Variants in ULK4 observed in about 807,000 individuals in gnomAD.
ULK4 encodes unc-51 like kinase 4.
Under a neutral mutation model 160.6 loss-of-function variants are expected in ULK4, and 133 were observed. The ratio of observed to expected loss-of-function variants is 0.83; its 90% CI spans 0.72 to 0.96. The LOEUF (loss-of-function observed/expected upper bound fraction) is 0.96. ULK4 is among the 40% of genes least tolerant of loss of function. The probability of loss-of-function intolerance (pLI) is 0.00; values close to 1 mark genes in which losing one functional copy is unlikely to be tolerated. For missense variants in ULK4, 1,580 were observed against 1,499.5 expected (o/e 1.05, Z -0.89); for synonymous variants, 534 against 539.8 (o/e 0.99, Z 0.15).
chr3:41,654,306 T>C (rs1055662119), intron 30 of ULK4, among the ~76,000 whole-genome samples: 40 of 152,348 alleles, frequency 2.6e-4, no homozygotes, highest in African/African-American at 8.9e-4. Context: ...TGAGAGGTGC[T>C]ATTTTACTAA....
chr3:41,936,426 C>T (rs115667093), intron 3 of ULK4, among the ~76,000 whole-genome samples: 354 of 152,260 alleles, frequency 2.3e-3, no homozygotes, highest in Non-Finnish European at 4.3e-3. Flanking sequence ...CATTGAGAAT[C>T]CCATTGCTAT....
chr3:41,530,158 T>TA (rs2086253496), intron 32 of ULK4, among the ~76,000 whole-genome samples: 1 of 152,316 alleles, frequency 6.6e-6, no homozygotes, highest in African/African-American at 2.4e-5. Context: ...AACTATACGT[T>TA]AAACAAATGA....
chr3:41,925,873 C>A (rs1383765748), intron 5 of ULK4, among the ~76,000 whole-genome samples: 4 of 152,140 alleles, frequency 2.6e-5, no homozygotes, highest in Non-Finnish European at 5.9e-5. Flanking sequence ...ATAAAACCCC[C>A]ATCTCCCTGG....
intron 34 of ULK4, among the ~76,000 whole-genome samples, chr3:41,417,615 C>T (rs771468606): frequency 1.3e-5 from 2 of 152,114 alleles, no homozygotes; most frequent in Non-Finnish European, 2.9e-5. Context: ...ACCCTGGGTG[C>T]CTGTTACTTT....
At chr3:41,895,052 AG>A (rs1315451145) in intron 16 of ULK4, among the ~76,000 whole-genome samples, 3 of 152,212 alleles carry the variant, frequency 2.0e-5, no homozygotes, top group Non-Finnish European at 2.9e-5. Context: ...GGAAACTTCG[AG>A]GAAGTATAAC....
intron 34 of ULK4, among the ~76,000 whole-genome samples, chr3:41,447,109 A>T (rs2083315493): frequency 7.6e-6 from 1 of 130,950 alleles, no homozygotes; most frequent in Non-Finnish European, 1.6e-5. Context: ...AAAAAAAAAA[A>T]GACAAGACAC....
chr3:41,353,722 AC>A (rs2080968673), intron 35 of ULK4, among the ~76,000 whole-genome samples: 1 of 149,286 alleles, frequency 6.7e-6, no homozygotes, highest in Admixed American at 6.7e-5. Flanking sequence ...TACTACTACT[AC>A]TACTACTACT....
At chr3:41,377,797 A>G (rs2081541970) in intron 35 of ULK4, among the ~76,000 whole-genome samples, 1 of 148,090 alleles carries the variant, frequency 6.8e-6, no homozygotes, top group African/African-American at 2.6e-5. Context: ...TAGTTCAACC[A>G]TTGTGGAAGT....
At chr3:41,438,083 G>T (rs1044571106) in intron 34 of ULK4, among the ~76,000 whole-genome samples, 5 of 140,744 alleles carry the variant, frequency 3.6e-5, no homozygotes, top group Admixed American at 7.3e-5. Context: ...TCATATTCTG[G>T]TTTTTTAAAA....
intron 34 of ULK4, among the ~76,000 whole-genome samples, chr3:41,424,254 G>T (rs1398918787): frequency 2.6e-5 from 4 of 152,136 alleles, no homozygotes; most frequent in Non-Finnish European, 5.9e-5. Context: ...GGGGTTTGGG[G>T]ACAAAACCCT....
Position 41,342,293 on chromosome 3 carries a change from G to A in ULK4, c.3678+55786C>T, listed in dbSNP as rs2080702735. Among the ~76,000 whole-genome samples, 4 of 152,192 alleles carry A rather than the reference G, an allele frequency of 2.6e-5. No individual in the cohort carries two copies. The South Asian group carries it at 8.3e-4, about 32-fold the overall frequency. Reference sequence around the variant, plus strand: ...AGAGAGATCAGAATGGAGAGGAAAAGGGCTGCCTGGAAGGCTAACAGACTT... The same window carrying A: ...AGAGAGATCAGAATGGAGAGGAAAAAGGCTGCCTGGAAGGCTAACAGACTT... On this transcript the variant is annotated intron_variant, in intron 35 of 36. Coordinates refer to ENST00000301831, the MANE Select transcript of ULK4 (RefSeq NM_017886.4).
chr3:41,430,440 G>A (rs1413208586), intron 34 of ULK4, among the ~76,000 whole-genome samples: 1 of 152,186 alleles, frequency 6.6e-6, no homozygotes. Context: ...CCTTTACTGT[G>A]AGCTCTGCTT....
At chr3:41,441,209 T>G (rs1451071098) in intron 34 of ULK4, among the ~76,000 whole-genome samples, 1 of 152,090 alleles carries the variant, frequency 6.6e-6, no homozygotes, top group African/African-American at 2.4e-5. Context: ...CTCTTCTTTT[T>G]CTAGTCTTTT....
intron 17 of ULK4, among the ~76,000 whole-genome samples, chr3:41,872,728 T>G (rs1354276352): frequency 6.6e-6 from 1 of 152,172 alleles, no homozygotes; most frequent in Non-Finnish European, 1.5e-5. Context: ...GGCCTGGTTT[T>G]TATGTTAATT....
chr3:41,380,452 A>G (rs1230592645), intron 35 of ULK4, among the ~76,000 whole-genome samples: 1 of 152,166 alleles, frequency 6.6e-6, no homozygotes, highest in East Asian at 1.9e-4. Context: ...TTCTTACCAT[A>G]CCGTCAGAGT....
chr3:41,937,072 A>G, intron 3 of ULK4: 1 of 418,082 alleles, frequency 2.4e-6, no homozygotes, highest in Non-Finnish European at 4.3e-6. Context: ...AAATATTAAT[A>G]CAACAGCCAA....
intron 32 of ULK4, among the ~76,000 whole-genome samples, chr3:41,521,177 C>A (rs182458711): frequency 6.6e-6 from 1 of 152,248 alleles, no homozygotes; most frequent in African/African-American, 2.4e-5. Context: ...TACTGAAAAA[C>A]CAACTTTTAG....
intron 34 of ULK4, among the ~76,000 whole-genome samples, chr3:41,453,408 C>A (rs1479482883): frequency 6.6e-6 from 1 of 152,112 alleles, no homozygotes; most frequent in Non-Finnish European, 1.5e-5. Context: ...AATGCCAGGA[C>A]CCAATCGATT....
Position 41,591,919 on chromosome 3 carries a change from T to G in ULK4, c.3120+23750A>C, listed in dbSNP as rs549268885. On this transcript the variant is annotated intron_variant, in intron 31 of 36. Coordinates refer to ENST00000301831, the MANE Select transcript of ULK4 (RefSeq NM_017886.4). ...GCTCCATAATCTTTAAAATTTGTTG[T>G]CAAGGGATGCTGGAGGATCATGACG... Among the ~76,000 whole-genome samples, 13 of 152,330 alleles carry G rather than the reference T, an allele frequency of 8.5e-5. No individual in the cohort carries two copies. In the South Asian group the frequency reaches 2.1e-3, roughly 24 times the overall value.
Sources: gnomAD v4.1 joint callset for allele counts (sites outside exome capture counted in the v4.1 genomes callset) on GRCh38, gnomAD v4.1.1 for gene constraint, MANE v1.5 for transcripts, NCBI Gene and HGNC (gene_info 2026-07-23, HGNC 2026-07-21) for gene names.